MACROD1: variants seen among roughly 807,000 people sequenced by gnomAD.
MACROD1 encodes the protein mono-ADP ribosylhydrolase 1.
In MACROD1, 31 loss-of-function variants were observed where a neutral mutation model predicts 41.4. The ratio of observed to expected loss-of-function variants is 0.75; its 90% CI spans 0.56 to 1.01. The LOEUF is 1.01. MACROD1 is among the 50% of genes least tolerant of loss of function. The probability of loss-of-function intolerance (pLI) is 0.00; values close to 1 mark genes in which losing one functional copy is unlikely to be tolerated. For missense variants in MACROD1, 473 were observed against 460.0 expected, an observed-to-expected ratio of 1.03 and a Z score of -0.26; for synonymous variants, 252 against 203.4, an observed-to-expected ratio of 1.24 and a Z score of -2.03.
chr11:64,089,431 G>C (rs1248772217), intron 3 of MACROD1, among the ~76,000 whole-genome samples: 1 of 152,224 alleles, frequency 6.6e-6, no homozygotes, highest in Non-Finnish European at 1.5e-5. Context: ...GTAACATGGA[G>C]GAGTCGTCAC....
chr11:64,125,009 C>T (rs572589469), intron 3 of MACROD1, among the ~76,000 whole-genome samples: 5 of 152,174 alleles, frequency 3.3e-5, no homozygotes, highest in African/African-American at 7.2e-5. Context: ...ACGTCTCCCC[C>T]GGAGACCCCT....
rs1395119999 is a variant in MACROD1 at position 64,151,248 on chromosome 11, C to A, written c.508G>T (p.Val170Phe). ...CAGGCCAGCCACTCACCGGCGTTGA[C>A]GATGGCGTCCACCTCCAGCTTGGTG... ...DITKLEVDAI[V>F]NAANSSLLGG... The change falls in exon 3 of 11, where the codon GTC becomes TTC. Residue 170 changes from valine (V) to phenylalanine (F), a missense_variant. Coordinates refer to ENST00000255681, the MANE Select transcript of MACROD1 (RefSeq NM_014067.4). The A allele has an allele frequency of 6.2e-7, 1 of 1,613,136 alleles. No homozygotes were observed. The highest frequency in any genetic ancestry group is 1.3e-5 in the African/African-American group (1 of 75,064).
intron 3 of MACROD1, among the ~76,000 whole-genome samples, chr11:64,113,925 T>C (rs1266149800): frequency 1.3e-5 from 2 of 148,996 alleles, no homozygotes; most frequent in Non-Finnish European, 3.0e-5. Flanking sequence ...GGTGGATGCA[T>C]GGATTGATGC....
intron 3 of MACROD1, among the ~76,000 whole-genome samples, chr11:64,031,112 G>A (rs916266451): frequency 6.6e-6 from 1 of 152,088 alleles, no homozygotes; most frequent in Non-Finnish European, 1.5e-5. Context: ...GGGCTGGAGG[G>A]GTGCTCTTGT....
intron 3 of MACROD1, among the ~76,000 whole-genome samples, chr11:64,026,672 G>A (rs187434052): frequency 5.2e-4 from 79 of 152,220 alleles, no homozygotes; most frequent in African/African-American, 1.9e-3. Flanking sequence ...TAAAATCCAT[G>A]CTTCCCTCCA....
intron 3 of MACROD1, among the ~76,000 whole-genome samples, chr11:64,140,257 C>T (rs1328185536): frequency 6.6e-6 from 1 of 152,258 alleles, no homozygotes; most frequent in African/African-American, 2.4e-5. Context: ...TTCCATGTGA[C>T]CACACATCTT....
At chr11:64,101,942 C>T (rs1270609775) in intron 3 of MACROD1, among the ~76,000 whole-genome samples, 1 of 152,240 alleles carries the variant, frequency 6.6e-6, no homozygotes, top group Non-Finnish European at 1.5e-5. Flanking sequence ...GGCACACACC[C>T]TTCCCAAATG....
intron 3 of MACROD1, among the ~76,000 whole-genome samples, chr11:64,022,215 C>A (rs1007006602): frequency 1.3e-5 from 2 of 151,890 alleles, no homozygotes; most frequent in Non-Finnish European, 2.9e-5. Flanking sequence ...AGGGAAGGGA[C>A]TGGGGGCACA....
chr11:64,023,193 C>T (rs927558526), intron 3 of MACROD1, among the ~76,000 whole-genome samples: 4 of 152,114 alleles, frequency 2.6e-5, no homozygotes, highest in Non-Finnish European at 1.5e-5. Flanking sequence ...TCTTTGCACA[C>T]ACCCTCCTGT....
At position 64,049,370 on chromosome 11, in the gene MACROD1, G is replaced by A. The variant is rs190133277; in HGVS notation, c.518-34089C>T. ...CTGTGCTGTTCACAGCGGTGCCCAC[G>A]GCCAGTCCTGGGCAGGGAGGTCAGC... On this transcript the variant is annotated intron_variant, in intron 3 of 10. Coordinates refer to ENST00000255681, the MANE Select transcript of MACROD1 (RefSeq NM_014067.4). Among the ~76,000 whole-genome samples the A allele has an allele frequency of 2.6e-3, 402 of 152,294 alleles. 5 individuals are homozygous for A. Among genetic ancestry groups the A allele is most frequent in the Non-Finnish European group, 9.1e-4 (62 of 68,004 alleles).
At chr11:64,086,170 C>CA (rs1401244825) in intron 3 of MACROD1, among the ~76,000 whole-genome samples, 1 of 152,176 alleles carries the variant, frequency 6.6e-6, no homozygotes, top group Non-Finnish European at 1.5e-5. Flanking sequence ...AGCCGGGACT[C>CA]AACAGTGGGA....
intron 3 of MACROD1, among the ~76,000 whole-genome samples, chr11:64,021,253 G>A (rs527239): frequency 0.3 from 44,922 of 152,168 alleles, 8,356 homozygotes; most frequent in Non-Finnish European, 0.41. Flanking sequence ...AGCCCACCCT[G>A]GGGCCCTTGG....
intron 3 of MACROD1, among the ~76,000 whole-genome samples, chr11:64,144,636 C>T (rs544341644): frequency 1.9e-4 from 29 of 152,166 alleles, no homozygotes; most frequent in African/African-American, 5.5e-4. Context: ...GCCCCACCTG[C>T]GCTTGGCTTC....
intron 7 of MACROD1, 32 bp from the exon 8 acceptor site, chr11:63,999,436 G>T (rs749271053): frequency 6.4e-7 from 1 of 1,558,336 alleles, no homozygotes; most frequent in South Asian, 1.2e-5. Flanking sequence ...TGAGTCCTAG[G>T]CTCTGGCCCC....
intron 3 of MACROD1, among the ~76,000 whole-genome samples, chr11:64,112,898 G>A (rs1322435384): frequency 6.6e-6 from 1 of 152,240 alleles, no homozygotes; most frequent in Non-Finnish European, 1.5e-5. Flanking sequence ...TGAGTGTGCA[G>A]GGGTGAGTGG....
At chr11:63,999,204 AG>A (rs1455991098) in intron 8 of MACROD1, 126 bp downstream of exon 8, 17 of 1,383,714 alleles carry the variant, frequency 1.2e-5, no homozygotes, top group Non-Finnish European at 9.8e-7. Context: ...GCCCTTGCGC[AG>A]GAGAAACAGG....
chr11:64,080,806 G>C (rs1369614622), intron 3 of MACROD1, among the ~76,000 whole-genome samples: 2 of 152,136 alleles, frequency 1.3e-5, no homozygotes, highest in African/African-American at 2.4e-5. Context: ...GTGTCCTCGG[G>C]CTCAGTGATG....
At chr11:64,144,886 G>A (rs1465621110) in intron 3 of MACROD1, among the ~76,000 whole-genome samples, 2 of 152,258 alleles carry the variant, frequency 1.3e-5, no homozygotes, top group Admixed American at 1.3e-4. Flanking sequence ...AAGGCAGTCC[G>A]CATCCCTGCG....
chr11:64,078,178 C>T (rs918680465), intron 3 of MACROD1, among the ~76,000 whole-genome samples: 1 of 152,220 alleles, frequency 6.6e-6, no homozygotes, highest in Non-Finnish European at 1.5e-5. Context: ...GCTCTGTGCC[C>T]GCCCCAGAGA....
Sources: allele counts gnomAD v4.1 joint callset (sites outside exome capture counted in the v4.1 genomes callset), GRCh38; gene constraint gnomAD v4.1.1; transcripts MANE v1.5; gene names NCBI Gene and HGNC (gene_info 2026-07-23, HGNC 2026-07-21).